The following PLOD2 variants were observed in gnomAD, a reference collection of about 807,000 sequenced individuals.
PLOD2 encodes lysine hydroxylase 2.
In PLOD2, 65 loss-of-function variants were observed where a neutral mutation model predicts 101.0. That is an observed-to-expected ratio of 0.64 (90% CI 0.53 to 0.79). The LOEUF is 0.79. Ranked by LOEUF, PLOD2 falls within the 30% of genes least tolerant of loss-of-function variation. The probability of loss-of-function intolerance (pLI) is 0.00; values close to 1 mark genes in which losing one functional copy is unlikely to be tolerated. For missense variants in PLOD2, 909 were observed against 914.6 expected (o/e 0.99, Z 0.08); for synonymous variants, 314 against 302.9 (o/e 1.04, Z -0.38).
chr3:146,128,967 A>G lies in PLOD2; in HGVS notation c.110-4738T>C, dbSNP rs968259565. Among the ~76,000 whole-genome samples the G allele has an allele frequency of 4.2e-5, 6 of 142,538 alleles. No individual in the cohort carries two copies. The East Asian group carries it at 6.3e-4, about 15-fold the overall frequency. The allele number at this position is 142,538 out of a possible 152,430, so 93.5% of individuals were successfully genotyped here. On this transcript the variant is annotated intron_variant, in intron 1 of 19. Coordinates refer to ENST00000282903, the MANE Select transcript of PLOD2 (RefSeq NM_182943.3). ...TTCTTAATGAGGGCATCACAGTTAAATAACAGCACTAGCCCAGCTGCCTTT... is the reference window on the plus strand; with the variant it reads ...TTCTTAATGAGGGCATCACAGTTAAGTAACAGCACTAGCCCAGCTGCCTTT...
intron 7 of PLOD2, among the ~76,000 whole-genome samples, chr3:146,101,073 TA>T (rs1937373485): frequency 6.6e-6 from 1 of 152,158 alleles, no homozygotes; most frequent in Admixed American, 6.5e-5. Flanking sequence ...AGGTTCTGGT[TA>T]ACCACTGGGT....
In PLOD2 at chr3:146,160,903, C is replaced by T; in HGVS notation, c.87G>A (p.Glu29=). 3 of 1,589,566 alleles carry T rather than the reference C, an allele frequency of 1.9e-6. No individual in the cohort carries two copies. Among genetic ancestry groups the T allele is most frequent in the Non-Finnish European group, 2.6e-6 (3 of 1,167,804 alleles). The change falls in exon 1 of 20, where the codon GAG becomes GAA. Residue 29 remains glutamate, a synonymous_variant. Transcript: ENST00000282903. ...CACCTGTGGGGATGCTCGAGGGCTT[C>T]TCCGAGTCCGCACCCAGACAGGGAT... is the stretch of plus-strand genomic sequence containing the variant. ...PWNPCLGADS[E]KPSSIPTDKL...
At chr3:146,099,551 ATTTTTTTTCTT>A (rs1053440698) in intron 7 of PLOD2, among the ~76,000 whole-genome samples, 12 of 150,708 alleles carry the variant, frequency 8.0e-5, no homozygotes, top group East Asian at 3.9e-4. Context: ...CAGCTGCCTA[ATTTTTTTTCTT>A]TTTTTTTTCT....
rs531940779 is a variant in PLOD2, at chr3:146,093,861, G to A, written c.778-1960C>T. Among the ~76,000 whole-genome samples the A allele has an allele frequency of 1.4e-3, 206 of 152,096 alleles. 2 individuals carry two copies. The South Asian group carries it at 0.014, about 10-fold the overall frequency. The stretch of plus-strand genomic sequence containing the variant: ...ATAAAAGACAGCACTTTTAGTTTTC[G>A]GAATTAAACTTGTCACTTTCCTACC... On this transcript the variant is annotated intron_variant, in intron 7 of 19. Coordinates refer to ENST00000282903, the MANE Select transcript of PLOD2 (RefSeq NM_182943.3).
intron 11 of PLOD2, among the ~76,000 whole-genome samples, chr3:146,082,122 T>C (rs527251934): frequency 6.6e-6 from 1 of 152,234 alleles, no homozygotes; most frequent in African/African-American, 2.4e-5. Context: ...TGCTAATGAA[T>C]ACATAAAAAT....
chr3:146,081,724 A>G lies in PLOD2; in HGVS notation c.1358+14T>C, dbSNP rs1210238748. The G allele has an allele frequency of 6.3e-7, 1 of 1,596,552 alleles. No homozygotes were observed. Among genetic ancestry groups the G allele is most frequent in the Admixed American group, 1.7e-5 (1 of 59,946 alleles). On this transcript the variant is annotated intron_variant, in intron 12 of 19. Transcript: ENST00000282903. ...ATGGTATTTCACATTAAAATATTAA[A>G]CCAAGTAACTTACACTCTATTCCCT...
chr3:146,116,637 A>G (rs770194742), intron 3 of PLOD2, among the ~76,000 whole-genome samples: 1 of 152,162 alleles, frequency 6.6e-6, no homozygotes, highest in Non-Finnish European at 1.5e-5. Context: ...GTACACACAT[A>G]ATGGAATATT....
chr3:146,078,202 C>T (rs956110602), intron 13 of PLOD2, among the ~76,000 whole-genome samples: 2 of 151,534 alleles, frequency 1.3e-5, no homozygotes, highest in Admixed American at 1.3e-4. Context: ...CATAAGACAA[C>T]GGAAAAAATG....
chr3:146,160,945 G>C lies in PLOD2; in HGVS notation c.45C>G (p.Leu15=). The C allele has an allele frequency of 6.2e-7, 1 of 1,600,196 alleles. No homozygotes were observed. Among genetic ancestry groups the C allele is most frequent in the Non-Finnish European group, 8.5e-7 (1 of 1,173,782 alleles). The change falls in exon 1 of 20, where the codon CTC becomes CTG. Residue 15 remains leucine, a synonymous_variant. Transcript: ENST00000282903. The part of the protein sequence containing the change: ...TVKPQLLLLA[L]VLHPWNPCLG... Reference sequence around the variant, plus strand: ...GACAGGGATTCCAGGGGTGGAGGACGAGCGCCAGGAGCAGCAGCTGAGGCT... The same window carrying C: ...GACAGGGATTCCAGGGGTGGAGGACCAGCGCCAGGAGCAGCAGCTGAGGCT...
intron 1 of PLOD2, among the ~76,000 whole-genome samples, chr3:146,150,807 T>C (rs568826582): frequency 1.1e-3 from 162 of 152,304 alleles, no homozygotes; most frequent in Non-Finnish European, 2.1e-3. Flanking sequence ...CAGATGAATA[T>C]AAGTTTATTT....
chr3:146,121,133 A>T lies in PLOD2; in HGVS notation c.317T>A (p.Leu106Gln). ...CTACCATTCAGTAAACATGACAACC[A>T]GATCATCTTGATCAGCATAGTGTTC... Reference protein sequence around the residue: ...VMEHYADQDDLVVMFTECFDV... With the variant: ...VMEHYADQDDQVVMFTECFDV... The change falls in exon 3 of 20, where the codon CTG (leucine) becomes CAG (glutamine). Residue 106 changes from leucine to glutamine, a missense_variant. Transcript: ENST00000282903. 1 of 1,607,462 alleles carries T rather than the reference A, an allele frequency of 6.2e-7. No homozygotes were observed. The highest frequency in any genetic ancestry group is 8.5e-7 in the Non-Finnish European group (1 of 1,174,104).
intron 11 of PLOD2, among the ~76,000 whole-genome samples, chr3:146,083,557 G>C (rs1327397179): frequency 6.7e-6 from 1 of 149,968 alleles, no homozygotes; most frequent in Non-Finnish European, 1.5e-5. Context: ...AAGGGCCCCA[G>C]ATGGCAGGTA....
chr3:146,128,759 T>A lies in PLOD2; in HGVS notation c.110-4530A>T, dbSNP rs374781567. Among the ~76,000 whole-genome samples the A allele has an allele frequency of 1.7e-4, 26 of 151,476 alleles. No homozygotes were observed. The South Asian group carries it at 3.5e-3, about 21-fold the overall frequency. On this transcript the variant is annotated intron_variant, in intron 1 of 19. Coordinates refer to ENST00000282903, the MANE Select transcript of PLOD2 (RefSeq NM_182943.3). ...TTGATATCTGAACACAATTTACCAA[T>A]ATTCAGTGGTGACACAATTTTTCTA...
At chr3:146,088,846 C>G in intron 8 of PLOD2, 135 bp from the exon 9 acceptor site, 1 of 775,420 alleles carries the variant, frequency 1.3e-6, no homozygotes, top group Non-Finnish European at 2.1e-6. Context: ...ATTTGAATTG[C>G]TCCATGGCAG....
At chr3:146,108,887 C>T (rs1937580243) in intron 4 of PLOD2, among the ~76,000 whole-genome samples, 1 of 152,164 alleles carries the variant, frequency 6.6e-6, no homozygotes, top group Admixed American at 6.5e-5. Flanking sequence ...AGTCCCATGG[C>T]TACATACTTC....
intron 1 of PLOD2, among the ~76,000 whole-genome samples, chr3:146,138,891 T>C (rs946680821): frequency 6.6e-6 from 1 of 152,286 alleles, no homozygotes; most frequent in South Asian, 2.1e-4. Context: ...TTTAACTGTG[T>C]TGCCCAACTT....
chr3:146,084,097 A>G (rs975569108), intron 11 of PLOD2, among the ~76,000 whole-genome samples: 2 of 152,122 alleles, frequency 1.3e-5, no homozygotes, highest in Admixed American at 1.3e-4. Flanking sequence ...TGCAAATTCA[A>G]GAAAATAGTA....
At chr3:146,109,020 A>C (rs949418082) in intron 4 of PLOD2, among the ~76,000 whole-genome samples, 10 of 152,178 alleles carry the variant, frequency 6.6e-5, no homozygotes, top group African/African-American at 2.2e-4. Flanking sequence ...CATGAGCCGC[A>C]TGCTCAAGCA....
intron 7 of PLOD2, among the ~76,000 whole-genome samples, chr3:146,092,359 C>T (rs1361900673): frequency 6.6e-6 from 1 of 151,984 alleles, no homozygotes; most frequent in Non-Finnish European, 1.5e-5. Context: ...CTAACTAACA[C>T]AACGCCACAC....
Sources: gnomAD v4.1 joint callset for allele counts (sites outside exome capture counted in the v4.1 genomes callset) on GRCh38, gnomAD v4.1.1 for gene constraint, MANE v1.5 for transcripts, NCBI Gene and HGNC (gene_info 2026-07-23, HGNC 2026-07-21) for gene names.